Variants in ZNF326 observed in about 807,000 individuals in gnomAD.
ZNF326 encodes zinc finger protein 326.
In ZNF326, 30 loss-of-function variants were observed where a neutral mutation model predicts 63.1. The ratio of observed to expected loss-of-function variants is 0.48; its 90% CI spans 0.36 to 0.64. The LOEUF is 0.64. ZNF326 is among the 30% of genes least tolerant of loss of function. ZNF326 has a pLI of 0.00. For missense variants in ZNF326, 609 were observed against 720.3 expected (o/e 0.85, Z 1.77); for synonymous variants, 194 against 228.2 (o/e 0.85, Z 1.35).
At position 89,998,197 on chromosome 1, in the gene ZNF326, T is replaced by G. The variant is rs763982697; in HGVS notation, c.61+43T>G. 2.4e-5 allele frequency: 38 copies of G among 1,597,636 alleles called. No homozygotes were observed. The South Asian group carries it at 4.3e-4, about 18-fold the overall frequency. On this transcript the variant is annotated intron_variant, in intron 2 of 11. Transcript: ENST00000340281. Reference sequence around the variant, plus strand: ...GCTTTTCTCTTCATGCGCATAAAAATATAGTATCAATGTAAAAGGCCAGTT... The same window carrying G: ...GCTTTTCTCTTCATGCGCATAAAAAGATAGTATCAATGTAAAAGGCCAGTT...
chr1:90,019,926 G>A (rs967514084), intron 9 of ZNF326, among the ~76,000 whole-genome samples: 6 of 152,112 alleles, frequency 3.9e-5, no homozygotes, highest in Non-Finnish European at 8.8e-5. Context: ...AAAGCCAGAA[G>A]TAGAGAGTTA....
intron 8 of ZNF326, among the ~76,000 whole-genome samples, chr1:90,018,036 G>A (rs1649581976): frequency 6.6e-6 from 1 of 152,218 alleles, no homozygotes; most frequent in African/African-American, 2.4e-5. Flanking sequence ...GCTCACGCCT[G>A]TAATCACAGC....
In ZNF326 at chr1:90,008,909, C is replaced by A. The variant is rs77973192; in HGVS notation, c.615+1159C>A. On this transcript the variant is annotated intron_variant, in intron 5 of 11. Coordinates refer to ENST00000340281, the MANE Select transcript of ZNF326 (RefSeq NM_182976.4). ...TGGAAACACAACTAGGTTAGATAGG[C>A]ATTCCTGAGCATAGTATACAAATGT... 5.5e-3 allele frequency among the ~76,000 whole-genome samples: 838 copies of A among 152,236 alleles called. 1 individual carries two copies. Among genetic ancestry groups the A allele is most frequent in the Non-Finnish European group, 9.3e-3 (629 of 67,984 alleles).
chr1:90,013,246 T>C lies in ZNF326; in HGVS notation c.926+9T>C. ...TACGGAGATGGATACAGGTTTGTAC[T>C]TAGAGTCAGAAAATTAGGTTCATTA... On this transcript the variant is annotated intron_variant, in intron 7 of 11. Coordinates refer to ENST00000340281, the MANE Select transcript of ZNF326 (RefSeq NM_182976.4). The C allele has an allele frequency of 6.5e-7, 1 of 1,527,872 alleles. No individual in the cohort carries two copies. Among genetic ancestry groups the C allele is most frequent in the Non-Finnish European group, 8.8e-7 (1 of 1,136,090 alleles). The allele number at this position is 1,527,872 out of a possible 1,614,324, so 94.6% of individuals were successfully genotyped here.
intron 7 of ZNF326, among the ~76,000 whole-genome samples, chr1:90,013,898 C>T (rs1649370961): frequency 6.6e-6 from 1 of 151,842 alleles, no homozygotes; most frequent in African/African-American, 2.4e-5. Flanking sequence ...CCCGTCTCTA[C>T]TAAAAAAATA....
chr1:89,997,185 T>G (rs1249929111), intron 1 of ZNF326, among the ~76,000 whole-genome samples: 1 of 152,224 alleles, frequency 6.6e-6, no homozygotes, highest in African/African-American at 2.4e-5. Flanking sequence ...TTCTGTTGTA[T>G]CCAGATGACC....
Position 90,035,519 on chromosome 1 carries a change from A to G in ZNF326, c.*7818A>G, listed in dbSNP as rs1193878699. ...GATACATTTTAATGGAGGAAATAAAATGCCTGAATAAACACTGTGTTCCTG... is the reference window on the plus strand; with the variant it reads ...GATACATTTTAATGGAGGAAATAAAGTGCCTGAATAAACACTGTGTTCCTG... On this transcript the variant is annotated 3_prime_UTR_variant, in exon 12 of 12. Transcript: ENST00000340281. 1 of 152,248 alleles carries G rather than the reference A, an allele frequency of 6.6e-6. No homozygotes were observed. Among genetic ancestry groups the G allele is most frequent in the Non-Finnish European group, 1.5e-5 (1 of 68,042 alleles). The allele number at this position is 152,248 out of a possible 1,614,324, so 9.4% of individuals were successfully genotyped here.
In ZNF326 at chr1:90,009,949, G is replaced by A. The variant is rs866996957; in HGVS notation, c.616-139G>A. 1.7e-4 allele frequency: 120 copies of A among 715,694 alleles called. No homozygotes were observed. In the Middle Eastern group the frequency reaches 3.2e-3, roughly 19 times the overall value. 44.3% of individuals were successfully genotyped at this position (715,694 alleles called of 1,614,324 possible). A position where few individuals can be genotyped will look rare whatever the true frequency, so the allele number is the denominator to read the frequency against. On this transcript the variant is annotated intron_variant, in intron 5 of 11. Transcript: ENST00000340281. ...CAGAGTTTTTCAATGTGTTTTTTCA[G>A]AATGGACATGTAAAATTTAGTTACA...
At chr1:90,004,798 CTTT>C (rs34878438) in intron 2 of ZNF326, among the ~76,000 whole-genome samples, 3 of 68,118 alleles carry the variant, frequency 4.4e-5, no homozygotes, top group Non-Finnish European at 7.7e-5. Context: ...AATATCAGGG[CTTT>C]TTTTTTTTTT....
In ZNF326 at chr1:90,020,804, A is replaced by T. The variant is rs1384047083; in HGVS notation, c.1187A>T (p.Asp396Val). Residue 396 changes from aspartate (D) to valine (V), a missense_variant, in exon 10 of 12, where the codon GAT becomes GTT. Physicochemically the swap from Asp to Val is radical, Grantham distance 152. Transcript: ENST00000340281. Reference sequence around the variant, plus strand: ...ATGTCTTTTGTAGGTGTTACTGTAGATGATCACATGATGAAGGTAGAGACA... The same window carrying T: ...ATGTCTTTTGTAGGTGTTACTGTAGTTGATCACATGATGAAGGTAGAGACA... ...EKDVMEGVTV[D>V]DHMMKVETVH... 6 of 1,610,680 alleles carry T rather than the reference A, an allele frequency of 3.7e-6. No homozygotes were observed.
At chr1:90,025,951 C>T (rs1649996008) in intron 11 of ZNF326, among the ~76,000 whole-genome samples, 1 of 151,624 alleles carries the variant, frequency 6.6e-6, no homozygotes. Flanking sequence ...TTTCCTCCTG[C>T]ACCAAGTGTT....
In ZNF326 at chr1:90,034,697, A is replaced by T. The variant is rs1650414923; in HGVS notation, c.*6996A>T. ...TGCATTTAAAAGGAAATAAAAACTTATGAAAGAGAATCTTTATTTTATTTA... is the reference window on the plus strand; with the variant it reads ...TGCATTTAAAAGGAAATAAAAACTTTTGAAAGAGAATCTTTATTTTATTTA... On this transcript the variant is annotated 3_prime_UTR_variant, in exon 12 of 12. Coordinates refer to ENST00000340281, the MANE Select transcript of ZNF326 (RefSeq NM_182976.4). 6.6e-6 allele frequency: 1 copy of T among 152,210 alleles called. No individual in the cohort carries two copies. Among genetic ancestry groups the T allele is most frequent in the Admixed American group, 6.5e-5 (1 of 15,284 alleles). The allele number at this position is 152,210 out of a possible 1,614,324, so 9.4% of individuals were successfully genotyped here.
rs1162673305 is a variant in ZNF326 at position 90,032,810 on chromosome 1, T to G, written c.*5109T>G. The G allele has an allele frequency of 6.6e-6, 1 of 152,226 alleles. No individual in the cohort carries two copies. The allele number at this position is 152,226 out of a possible 1,614,324, so 9.4% of individuals were successfully genotyped here. ...TCTAAGCTAAAGCTGTAACACAATTTGATGTTTGCCAAATAAGGTGAGACT... is the reference window on the plus strand; with the variant it reads ...TCTAAGCTAAAGCTGTAACACAATTGGATGTTTGCCAAATAAGGTGAGACT... On this transcript the variant is annotated 3_prime_UTR_variant, in exon 12 of 12. Coordinates refer to ENST00000340281, the MANE Select transcript of ZNF326 (RefSeq NM_182976.4).
intron 1 of ZNF326, among the ~76,000 whole-genome samples, chr1:89,996,337 A>T (rs1019083981): frequency 1.3e-5 from 2 of 152,210 alleles, no homozygotes; most frequent in African/African-American, 4.8e-5. Flanking sequence ...TCTTTAAATG[A>T]GGTGTGATCT....
intron 10 of ZNF326, among the ~76,000 whole-genome samples, 193 bp from the exon 11 acceptor site, chr1:90,022,057 T>A (rs1447626422): frequency 6.6e-6 from 1 of 152,198 alleles, no homozygotes; most frequent in Admixed American, 6.5e-5. Context: ...CTTTTGAAGC[T>A]GATTGGCTTG....
Position 90,020,870 on chromosome 1 carries a change from A to T in ZNF326, c.1253A>T (p.His418Leu). The T allele has an allele frequency of 6.2e-7, 1 of 1,613,286 alleles. No homozygotes were observed. Among genetic ancestry groups the T allele is most frequent in the Non-Finnish European group, 8.5e-7 (1 of 1,179,410 alleles). Residue 418 changes from histidine (H) to leucine (L), a missense_variant, in exon 10 of 12, where the codon CAT becomes CTT. Transcript: ENST00000340281. ...SACSVYIPAL[H>L]SSVQQHLKSP... ...TGCAGTGTTTATATCCCTGCTTTACATAGTTCAGTTCAGCAGCACTTAAAA... is the reference window on the plus strand; with the variant it reads ...TGCAGTGTTTATATCCCTGCTTTACTTAGTTCAGTTCAGCAGCACTTAAAA...
chr1:90,006,079 C>T, intron 4 of ZNF326: 1 of 985,352 alleles, frequency 1.0e-6, no homozygotes, highest in Non-Finnish European at 1.2e-6. Context: ...ATTGAAGGAT[C>T]CGGATTCCTT....
chr1:90,024,366 C>T (rs151308109), intron 11 of ZNF326, among the ~76,000 whole-genome samples: 3 of 152,166 alleles, frequency 2.0e-5, no homozygotes, highest in Non-Finnish European at 2.9e-5. Flanking sequence ...TCACCCCTTT[C>T]AGTAGGGAAT....
chr1:90,020,381 C>T (rs540360049), intron 9 of ZNF326, among the ~76,000 whole-genome samples: 2 of 152,180 alleles, frequency 1.3e-5, no homozygotes, highest in African/African-American at 4.8e-5. Flanking sequence ...TCACCATTTG[C>T]AAGATCCAGA....
Sources: gnomAD v4.1 joint callset for allele counts (sites outside exome capture counted in the v4.1 genomes callset) on GRCh38, gnomAD v4.1.1 for gene constraint, MANE v1.5 for transcripts, NCBI Gene and HGNC (gene_info 2026-07-23, HGNC 2026-07-21) for gene names.